Variants in NKAIN2 observed in about 807,000 individuals in gnomAD.
The protein encoded by NKAIN2 is sodium/potassium-transporting ATPase subunit beta-1-interacting protein 2.
In NKAIN2, 14 loss-of-function variants were observed where a neutral mutation model predicts 32.6. The observed-to-expected ratio is 0.43, with a 90% CI of 0.28 to 0.67. NKAIN2 has a LOEUF of 0.67. NKAIN2 is among the 30% of genes least tolerant of loss of function. The pLI is 0.17. For synonymous variants in NKAIN2, 80 were observed against 87.2 expected, an observed-to-expected ratio of 0.92 and a Z score of 0.46; for missense variants, 198 against 258.3, an observed-to-expected ratio of 0.77 and a Z score of 1.60.
At chr6:124,223,932 G>C (rs1326790763) in intron 1 of NKAIN2, among the ~76,000 whole-genome samples, 1 of 152,146 alleles carries the variant, frequency 6.6e-6, no homozygotes, top group African/African-American at 2.4e-5. Context: ...AGAATGCAGA[G>C]TGAAAATGTT....
intron 2 of NKAIN2, among the ~76,000 whole-genome samples, chr6:124,314,931 A>G (rs111521229): frequency 0.021 from 3,145 of 152,276 alleles, 57 homozygotes; most frequent in Non-Finnish European, 0.03. Flanking sequence ...CCTGGTGCCT[A>G]GTATCAATAT....
At chr6:124,134,312 A>G (rs952766478) in intron 1 of NKAIN2, among the ~76,000 whole-genome samples, 3 of 152,128 alleles carry the variant, frequency 2.0e-5, no homozygotes, top group African/African-American at 7.2e-5. Flanking sequence ...CTTGAAGACA[A>G]GGCTTTCAAC....
chr6:124,174,306 A>G (rs1789049945), intron 1 of NKAIN2, among the ~76,000 whole-genome samples: 1 of 152,156 alleles, frequency 6.6e-6, no homozygotes, highest in Non-Finnish European at 1.5e-5. Context: ...TCACACTAAA[A>G]GCACCTTTCA....
intron 4 of NKAIN2, among the ~76,000 whole-genome samples, chr6:124,695,291 A>G (rs1435424186): frequency 2.6e-5 from 4 of 152,192 alleles, no homozygotes; most frequent in Non-Finnish European, 5.9e-5. Context: ...TTTAGACTGC[A>G]GAAGATTTAG....
At chr6:124,505,621 AT>A (rs1778446102) in intron 3 of NKAIN2, among the ~76,000 whole-genome samples, 1 of 152,140 alleles carries the variant, frequency 6.6e-6, no homozygotes, top group Non-Finnish European at 1.5e-5. Context: ...AATGATCTGC[AT>A]TTTTCTAAGT....
chr6:124,147,055 A>G lies in NKAIN2; in HGVS notation c.55-135950A>G, dbSNP rs558176249. On this transcript the variant is annotated intron_variant, in intron 1 of 6. Transcript: ENST00000368417. ...GATGTATTTTACAATGAAAAGTAAC[A>G]TTGTCATCCAATTATGTGTTTTCTC... is the stretch of plus-strand genomic sequence containing the variant. Among the ~76,000 whole-genome samples the G allele has an allele frequency of 5.9e-5, 9 of 152,304 alleles. No individual in the cohort carries two copies. In the East Asian group the frequency reaches 1.5e-3, roughly 26 times the overall value.
intron 1 of NKAIN2, among the ~76,000 whole-genome samples, chr6:124,237,982 A>G (rs1416239827): frequency 3.3e-5 from 5 of 152,190 alleles, no homozygotes; most frequent in Non-Finnish European, 5.9e-5. Flanking sequence ...AATTAAATGT[A>G]TAGCACAAGA....
At chr6:123,904,186 G>T (rs954179119) in intron 1 of NKAIN2, among the ~76,000 whole-genome samples, 1 of 151,464 alleles carries the variant, frequency 6.6e-6, no homozygotes, top group East Asian at 1.9e-4. Flanking sequence ...AGCCAAGATC[G>T]CACCACTGCA....
intron 1 of NKAIN2, among the ~76,000 whole-genome samples, chr6:124,107,758 C>A (rs914545303): frequency 6.6e-6 from 1 of 152,110 alleles, no homozygotes; most frequent in African/African-American, 2.4e-5. Flanking sequence ...AGGAGTTTTA[C>A]TATTTTAGAT....
At chr6:124,084,091 T>C (rs1784090823) in intron 1 of NKAIN2, among the ~76,000 whole-genome samples, 1 of 151,956 alleles carries the variant, frequency 6.6e-6, no homozygotes, top group African/African-American at 2.4e-5. Flanking sequence ...TATCCCAGAT[T>C]TCTAGCTTGA....
intron 4 of NKAIN2, among the ~76,000 whole-genome samples, chr6:124,666,621 C>T (rs1008155476): frequency 6.6e-6 from 1 of 152,056 alleles, no homozygotes; most frequent in Non-Finnish European, 1.5e-5. Context: ...CAACAGTATA[C>T]AATTATCATG....
chr6:124,312,635 A>G (rs1796770340), intron 2 of NKAIN2, among the ~76,000 whole-genome samples: 1 of 152,184 alleles, frequency 6.6e-6, no homozygotes, highest in African/African-American at 2.4e-5. Context: ...TCATGAGTTC[A>G]GCTGCCTAGA....
chr6:124,085,680 C>G (rs1281530496), intron 1 of NKAIN2, among the ~76,000 whole-genome samples: 1 of 151,866 alleles, frequency 6.6e-6, no homozygotes, highest in African/African-American at 2.4e-5. Flanking sequence ...GTGCCTGACA[C>G]TATTTTAGAT....
At chr6:124,302,299 T>C (rs1796321938) in intron 2 of NKAIN2, among the ~76,000 whole-genome samples, 1 of 152,260 alleles carries the variant, frequency 6.6e-6, no homozygotes, top group South Asian at 2.1e-4. Flanking sequence ...CTCACAGGTA[T>C]GTCTTTATTA....
At chr6:124,330,211 C>T (rs1165921041) in intron 2 of NKAIN2, among the ~76,000 whole-genome samples, 1 of 152,160 alleles carries the variant, frequency 6.6e-6, no homozygotes, top group Non-Finnish European at 1.5e-5. Context: ...GTGAGGTCCT[C>T]ATTGCCAGCT....
intron 5 of NKAIN2, among the ~76,000 whole-genome samples, chr6:124,804,838 T>A (rs1277241241): frequency 6.6e-6 from 1 of 152,176 alleles, no homozygotes; most frequent in Non-Finnish European, 1.5e-5. Flanking sequence ...ACCAGGAGAT[T>A]ATATGCTGCA....
At position 124,505,578 on chromosome 6, in the gene NKAIN2, T is replaced by C. The variant is rs1171941878; in HGVS notation, c.273+150231T>C. The stretch of plus-strand genomic sequence containing the variant: ...GGAACTTCTGCTAAGCTAGAAAATA[T>C]GTTCGAAGGTCAGTACAAGGTTCCA... On this transcript the variant is annotated intron_variant, in intron 3 of 6. Transcript: ENST00000368417. 2.0e-5 allele frequency among the ~76,000 whole-genome samples: 3 copies of C among 152,194 alleles called. No individual in the cohort carries two copies. The East Asian group carries it at 5.8e-4, about 29-fold the overall frequency.
chr6:123,989,478 G>T (rs938946332), intron 1 of NKAIN2, among the ~76,000 whole-genome samples: 7 of 152,084 alleles, frequency 4.6e-5, no homozygotes, highest in Non-Finnish European at 8.8e-5. Flanking sequence ...ACAATAAACA[G>T]AACTCTTGCT....
chr6:124,535,012 A>AT (rs1383940128), intron 3 of NKAIN2, among the ~76,000 whole-genome samples: 2 of 152,236 alleles, frequency 1.3e-5, no homozygotes, highest in Admixed American at 6.5e-5. Flanking sequence ...ATAGGTTATA[A>AT]TACATAATAC....
Sources: allele counts gnomAD v4.1 joint callset (sites outside exome capture counted in the v4.1 genomes callset), GRCh38; gene constraint gnomAD v4.1.1; transcripts MANE v1.5; gene names NCBI Gene and HGNC (gene_info 2026-07-23, HGNC 2026-07-21).